The following SLC27A2 variants were observed in gnomAD, a reference collection of about 807,000 sequenced individuals.
SLC27A2 encodes solute carrier family 27 member 2, also known as long-chain fatty acid transport protein 2.
SLC27A2 carries 54 observed loss-of-function variants against 60.0 expected under a neutral mutation model. The ratio of observed to expected loss-of-function variants is 0.90; its 90% CI spans 0.72 to 1.13. The LOEUF (loss-of-function observed/expected upper bound fraction) is 1.13, where lower values mean the gene tolerates loss of function less well. Among genes scored for constraint, SLC27A2 ranks in the 50% most tolerant of loss-of-function variants. The pLI is 0.00. For synonymous variants in SLC27A2, 297 were observed against 297.6 expected (o/e 1.00, Z 0.02); for missense variants, 739 against 777.6 (o/e 0.95, Z 0.59).
At chr15:50,235,573 A>G (rs892059509) in intron 9 of SLC27A2, among the ~76,000 whole-genome samples, 2 of 152,240 alleles carry the variant, frequency 1.3e-5, no homozygotes, top group African/African-American at 4.8e-5. Context: ...TGGGTATCAT[A>G]TAAAACTTTC....
intron 1 of SLC27A2, among the ~76,000 whole-genome samples, chr15:50,195,526 T>C (rs2045007052): frequency 6.6e-6 from 1 of 151,842 alleles, no homozygotes; most frequent in Admixed American, 6.6e-5. Flanking sequence ...AAATTGACAA[T>C]GATTTCCCCT....
At chr15:50,184,212 C>G (rs1250122664) in intron 1 of SLC27A2, among the ~76,000 whole-genome samples, 1 of 151,898 alleles carries the variant, frequency 6.6e-6, no homozygotes, top group Non-Finnish European at 1.5e-5. Flanking sequence ...AGGCTGGTCT[C>G]AAACTCCTGA....
intron 5 of SLC27A2, among the ~76,000 whole-genome samples, chr15:50,223,977 C>T (rs560018445): frequency 1.6e-4 from 25 of 152,316 alleles, no homozygotes; most frequent in African/African-American, 5.1e-4. Context: ...TGCGTAAGAG[C>T]CCTGGCTGTG....
At chr15:50,204,975 T>C (rs1033579497) in intron 3 of SLC27A2, among the ~76,000 whole-genome samples, 1 of 150,028 alleles carries the variant, frequency 6.7e-6, no homozygotes, top group Non-Finnish European at 1.5e-5. Flanking sequence ...CCCTCCCTCT[T>C]AGGACTTCAT....
intron 7 of SLC27A2, 152 bp downstream of exon 7, chr15:50,227,330 T>C: frequency 4.7e-6 from 3 of 638,514 alleles, no homozygotes; most frequent in Non-Finnish European, 5.6e-6. Context: ...GAATGAGGAA[T>C]GAAGTGCATG....
chr15:50,212,070 CAAAAAAA>C (rs1171050015), intron 4 of SLC27A2, among the ~76,000 whole-genome samples: 4 of 48,550 alleles, frequency 8.2e-5, no homozygotes, highest in East Asian at 5.7e-4. Flanking sequence ...GACTCTGTCT[CAAAAAAA>C]AAAAAAAAAA....
Position 50,193,237 on chromosome 15 carries a change from GC to G in SLC27A2, c.479-4257del, listed in dbSNP as rs1460238573. ...GGCACTTCTTCTAGGTCGTCTTTCT[GC>G]CCCCCACCACCTGCTCCCCAAATAC... On this transcript the variant is annotated intron_variant, in intron 1 of 9. Transcript: ENST00000267842. Among the ~76,000 whole-genome samples, 3 of 152,092 alleles carry G rather than the reference GC, an allele frequency of 2.0e-5. No homozygotes were observed. In the East Asian group the frequency reaches 5.8e-4, roughly 29 times the overall value.
chr15:50,204,217 C>A (rs2045089487), intron 3 of SLC27A2, among the ~76,000 whole-genome samples: 1 of 152,190 alleles, frequency 6.6e-6, no homozygotes, highest in South Asian at 2.1e-4. Flanking sequence ...GTAATCCCAG[C>A]ACTTTGGGAG....
rs1304110835 is a variant in SLC27A2 at position 50,205,343 on chromosome 15, T to C, written c.952T>C (p.Tyr318His). The part of the protein sequence containing the change: ...VIQYIGELLR[Y>H]LCNSPQKPND... The stretch of plus-strand genomic sequence containing the variant: ...TCAGTATATCGGTGAACTGCTTCGG[T>C]ATTTATGCAACTCACCACAGGTAAC... Residue 318 changes from tyrosine (Y) to histidine (H), a missense_variant, in exon 4 of 10, where the codon TAT (tyrosine) becomes CAT (histidine). Tyr to His is a moderately conservative substitution (Grantham distance 83). Coordinates refer to ENST00000267842, the MANE Select transcript of SLC27A2 (RefSeq NM_003645.4). 1 of 1,607,664 alleles carries C rather than the reference T, an allele frequency of 6.2e-7. No homozygotes were observed.
At position 50,182,573 on chromosome 15, in the gene SLC27A2, G is replaced by A; in HGVS notation, c.146G>A (p.Arg49Gln). The change falls in exon 1 of 10, where the codon CGG becomes CAG. Residue 49 changes from arginine to glutamine, a missense_variant. Arg to Gln is a conservative substitution (Grantham distance 43). Coordinates refer to ENST00000267842, the MANE Select transcript of SLC27A2 (RefSeq NM_003645.4). ...VGRRVRSYGK[R>Q]RPARTILRAF... ...CGGAGGGTGCGCAGCTACGGGAAGC[G>A]GCGGCCGGCGCGCACCATCCTGCGG... is the stretch of plus-strand genomic sequence containing the variant. 6.2e-7 allele frequency: 1 copy of A among 1,611,238 alleles called. No homozygotes were observed. Among genetic ancestry groups the A allele is most frequent in the African/African-American group, 1.3e-5 (1 of 75,036 alleles).
At chr15:50,224,750 C>T (rs887587635) in intron 5 of SLC27A2, among the ~76,000 whole-genome samples, 1 of 152,226 alleles carries the variant, frequency 6.6e-6, no homozygotes, top group Non-Finnish European at 1.5e-5. Flanking sequence ...TTCAGTCACA[C>T]TAGCCACATT....
At chr15:50,204,488 C>T (rs1349551796) in intron 3 of SLC27A2, among the ~76,000 whole-genome samples, 3 of 151,868 alleles carry the variant, frequency 2.0e-5, no homozygotes, top group Admixed American at 6.6e-5. Context: ...AATCTCAGCA[C>T]TTTGGGAGGC....
intron 5 of SLC27A2, among the ~76,000 whole-genome samples, chr15:50,224,198 T>C (rs555392924): frequency 6.6e-6 from 1 of 152,290 alleles, no homozygotes; most frequent in East Asian, 1.9e-4. Flanking sequence ...CCCAGCACTT[T>C]GGGAGGCCGA....
chr15:50,184,706 G>T (rs928882860), intron 1 of SLC27A2, among the ~76,000 whole-genome samples: 1 of 151,748 alleles, frequency 6.6e-6, no homozygotes, highest in South Asian at 2.1e-4. Flanking sequence ...GCATGGTGGC[G>T]CGTGCCTGTA....
At chr15:50,228,795 G>A in intron 7 of SLC27A2, 150 bp from the exon 8 acceptor site, 1 of 622,182 alleles carries the variant, frequency 1.6e-6, no homozygotes, top group Non-Finnish European at 2.9e-6. Context: ...AGATACCCCG[G>A]CCAGGACTAA....
intron 1 of SLC27A2, among the ~76,000 whole-genome samples, chr15:50,187,758 T>C (rs2044936441): frequency 6.6e-6 from 1 of 152,150 alleles, no homozygotes; most frequent in African/African-American, 2.4e-5. Flanking sequence ...TGACCTCCTT[T>C]AAACAATGTG....
chr15:50,198,768 G>T lies in SLC27A2; in HGVS notation c.688+1059G>T, dbSNP rs2045043258. Among the ~76,000 whole-genome samples, 3 of 152,050 alleles carry T rather than the reference G, an allele frequency of 2.0e-5. No homozygotes were observed. In the South Asian group the frequency reaches 6.2e-4, roughly 32 times the overall value. On this transcript the variant is annotated intron_variant, in intron 2 of 9. Coordinates refer to ENST00000267842, the MANE Select transcript of SLC27A2 (RefSeq NM_003645.4). Reference sequence around the variant, plus strand: ...TAAAATTTTAATTTAATTTAAGCAGGTAATACAGGTCTTCTCCTTGTTAAA... The same window carrying T: ...TAAAATTTTAATTTAATTTAAGCAGTTAATACAGGTCTTCTCCTTGTTAAA...
chr15:50,210,331 A>G (rs903891128), intron 4 of SLC27A2, among the ~76,000 whole-genome samples: 29 of 152,236 alleles, frequency 1.9e-4, no homozygotes, highest in Non-Finnish European at 2.5e-4. Flanking sequence ...CCCCAACTGC[A>G]GAAGTGGGAA....
Position 50,233,995 on chromosome 15 carries a change from A to G in SLC27A2, c.1683A>G (p.Ile561Met), listed in dbSNP as rs368171069. 6.2e-7 allele frequency: 1 copy of G among 1,610,396 alleles called. No homozygotes were observed. The highest frequency in any genetic ancestry group is 1.3e-5 in the African/African-American group (1 of 74,622). The change falls in exon 9 of 10, where the codon ATA becomes ATG. Residue 561 changes from isoleucine to methionine, a missense_variant. Coordinates refer to ENST00000267842, the MANE Select transcript of SLC27A2 (RefSeq NM_003645.4). Reference protein sequence around the residue: ...PSYARPRFLRIQDTIEITGTF... With the variant: ...PSYARPRFLRMQDTIEITGTF... ...ATGCAAGGCCCCGGTTTCTAAGAAT[A>G]CAGGTGAGATCTCTTATTATCCAGT...
Sources: gnomAD v4.1 joint callset for allele counts (sites outside exome capture counted in the v4.1 genomes callset) on GRCh38, gnomAD v4.1.1 for gene constraint, MANE v1.5 for transcripts, NCBI Gene and HGNC (gene_info 2026-07-23, HGNC 2026-07-21) for gene names.